The following BCAN variants were observed in gnomAD, a reference collection of about 807,000 sequenced individuals.
BCAN encodes the protein brevican core protein.
BCAN carries 51 observed loss-of-function variants against 92.4 expected under a neutral mutation model. The observed-to-expected ratio is 0.55, with a 90% CI of 0.44 to 0.70. The LOEUF is 0.70. Among genes scored for constraint, BCAN ranks in the 30% least tolerant of loss-of-function variants. The probability of loss-of-function intolerance (pLI) is 0.00; values close to 1 mark genes in which losing one functional copy is unlikely to be tolerated. For synonymous variants in BCAN, 501 were observed against 505.2 expected (o/e 0.99, Z 0.11); for missense variants, 1,140 against 1,212.1 (o/e 0.94, Z 0.88).
intron 9 of BCAN, 116 bp downstream of exon 9, chr1:156,656,505 T>G: frequency 1.3e-6 from 1 of 788,992 alleles, no homozygotes; most frequent in South Asian, 3.6e-5. Context: ...AGTCCCTGTT[T>G]TAGGCAAGTT....
intron 1 of BCAN, chr1:156,644,907 G>C (rs1160771624): frequency 6.6e-6 from 1 of 152,220 alleles, no homozygotes; most frequent in Non-Finnish European, 1.5e-5. Flanking sequence ...GGATCTCCAT[G>C]CTCTTCTAAG....
Position 156,656,311 on chromosome 1 carries a change from G to T in BCAN, c.1972G>T (p.Gly658Cys). Reference sequence around the variant, plus strand: ...CTGTGTCCCCAGCCCCTGCCACAATGGTGGGACATGCTTGGAGGAGGAGGA... The same window carrying T: ...CTGTGTCCCCAGCCCCTGCCACAATTGTGGGACATGCTTGGAGGAGGAGGA... ...GDCVPSPCHN[G>C]GTCLEEEEGV... The change falls in exon 9 of 14, where the codon GGT (glycine) becomes TGT (cysteine). Residue 658 changes from glycine (G) to cysteine (C), a missense_variant. Transcript: ENST00000329117. 6.9e-7 allele frequency: 1 copy of T among 1,450,420 alleles called. No individual in the cohort carries two copies. Among genetic ancestry groups the T allele is most frequent in the Non-Finnish European group, 9.0e-7 (1 of 1,109,016 alleles). 89.8% of individuals were successfully genotyped at this position (1,450,420 alleles called of 1,614,324 possible). A position where few individuals can be genotyped will look rare whatever the true frequency, so the allele number is the denominator to read the frequency against.
chr1:156,658,177 A>C lies in BCAN; in HGVS notation c.2343A>C (p.Gly781=). ...PGQPDSYFLS[G]ENCVVMVWHD... Reference sequence around the variant, plus strand: ...AGCCTGACAGCTACTTCCTGTCTGGAGAGAACTGCGTGGTCATGGTGTGGC... The same window carrying C: ...AGCCTGACAGCTACTTCCTGTCTGGCGAGAACTGCGTGGTCATGGTGTGGC... The change falls in exon 12 of 14, where the codon GGA becomes GGC. Residue 781 remains glycine, a synonymous_variant. Transcript: ENST00000329117. The surrounding 1 kb of genome is among the most constrained non-coding windows in gnomAD (Gnocchi z 4.4). The C allele has an allele frequency of 6.2e-7, 1 of 1,614,022 alleles. No homozygotes were observed. Among genetic ancestry groups the C allele is most frequent in the Non-Finnish European group, 8.5e-7 (1 of 1,179,976 alleles).
intron 8 of BCAN, among the ~76,000 whole-genome samples, chr1:156,654,257 G>A (rs1679265390): frequency 6.6e-6 from 1 of 152,130 alleles, no homozygotes; most frequent in African/African-American, 2.4e-5. Flanking sequence ...GAGAAGGCTG[G>A]GATTCCCTTA....
rs529077133 is a variant in BCAN, at chr1:156,647,163, G to A, written c.454G>A (p.Val152Ile). ...GIDDSSDAVE[V>I]KVKGVVFLYR... ...CGATGACAGCAGCGACGCTGTGGAG[G>A]TCAAGGTCAAAGGTGAGAGGGCAGG... The change falls in exon 3 of 14, where the codon GTC (valine) becomes ATC (isoleucine). Residue 152 changes from valine to isoleucine, a missense_variant. Physicochemically the swap from Val to Ile is conservative, Grantham distance 29. Around this residue, in one of 3 missense-constraint regions of BCAN, gnomAD observed 286 missense variants for 284.1 expected, o/e 1.01. Coordinates refer to ENST00000329117, the MANE Select transcript of BCAN (RefSeq NM_021948.5). This position sits in a 1 kb window ranked among gnomAD's most constrained non-coding sequence, Gnocchi z 4.8. 5 of 1,308,318 alleles carry A rather than the reference G, an allele frequency of 3.8e-6. No homozygotes were observed. The highest frequency in any genetic ancestry group is 5.1e-6 in the Non-Finnish European group (5 of 986,780). The allele number at this position is 1,308,318 out of a possible 1,614,324, so 81.0% of individuals were successfully genotyped here.
chr1:156,657,805 C>T (rs767616467), intron 11 of BCAN, 48 bp downstream of exon 11: 2 of 1,508,252 alleles, frequency 1.3e-6, no homozygotes, highest in African/African-American at 2.8e-5. Context: ...TTCCTCTAAG[C>T]ACTTCTGTTC....
At position 156,653,936 on chromosome 1, in the gene BCAN, T is replaced by G. The variant is rs1403775166; in HGVS notation, c.1942+1044T>G. 2.0e-5 allele frequency among the ~76,000 whole-genome samples: 3 copies of G among 152,066 alleles called. No homozygotes were observed. The South Asian group carries it at 6.2e-4, about 32-fold the overall frequency. On this transcript the variant is annotated intron_variant, in intron 8 of 13. Transcript: ENST00000329117. The stretch of plus-strand genomic sequence containing the variant: ...TGAGGGTCTCTCAGCATAGAGGCAG[T>G]TCCCTGGCATTCAGTTGCCCTCACC...
intron 1 of BCAN, chr1:156,643,635 C>CACAGAGAGAGAGAGAG (rs549293956): frequency 5.8e-5 from 6 of 103,856 alleles, no homozygotes; most frequent in East Asian, 5.7e-4. Flanking sequence ...CACACACACA[C>CACAGAGAGAGAGAGAG]AGAGAGAGAG....
At position 156,647,512 on chromosome 1, in the gene BCAN, C is replaced by T. The variant is rs371030202; in HGVS notation, c.471C>T (p.Val157=). Reference sequence around the variant, plus strand: ...GGGGTCCTCTCTGCCCCACAGGGGTCGTCTTTCTCTACCGAGAGGGCTCTG... The same window carrying T: ...GGGGTCCTCTCTGCCCCACAGGGGTTGTCTTTCTCTACCGAGAGGGCTCTG... The part of the protein sequence containing the change: ...SDAVEVKVKG[V]VFLYREGSAR... The change falls in exon 4 of 14, where the codon GTC becomes GTT. Residue 157 remains valine (V), a synonymous_variant. Coordinates refer to ENST00000329117, the MANE Select transcript of BCAN (RefSeq NM_021948.5). This position sits in a 1 kb window ranked among gnomAD's most constrained non-coding sequence, Gnocchi z 4.8. 5.1e-6 allele frequency: 8 copies of T among 1,559,680 alleles called. No individual in the cohort carries two copies. The highest frequency in any genetic ancestry group is 2.2e-4 in the Middle Eastern group (1 of 4,542).
chr1:156,658,525 A>G lies in BCAN; in HGVS notation c.2438-18A>G. 6.2e-7 allele frequency: 1 copy of G among 1,606,600 alleles called. No individual in the cohort carries two copies. The highest frequency in any genetic ancestry group is 1.3e-5 in the African/African-American group (1 of 74,888). ...ACCCACAGAGCCAGGCTCAGTTCCT[A>G]ACTGTCTTCCTTTGCAGTGTCCTGT... On this transcript the variant is annotated intron_variant, in intron 12 of 13. Coordinates refer to ENST00000329117, the MANE Select transcript of BCAN (RefSeq NM_021948.5). This position sits in a 1 kb window ranked among gnomAD's most constrained non-coding sequence, Gnocchi z 4.4.
Position 156,647,229 on chromosome 1 carries a change from T to C in BCAN, c.466+54T>C. ...GGGAGGGAGGGAGGGAAGGGAGGAC[T>C]CTTGCCTTCGGGGATCCCACAGTGT... is the stretch of plus-strand genomic sequence containing the variant. On this transcript the variant is annotated intron_variant, in intron 3 of 13. Transcript: ENST00000329117. This position sits in a 1 kb window ranked among gnomAD's most constrained non-coding sequence, Gnocchi z 4.8. 6.8e-7 allele frequency: 1 copy of C among 1,462,178 alleles called. No individual in the cohort carries two copies. The highest frequency in any genetic ancestry group is 1.4e-5 in the South Asian group (1 of 70,148). The allele number at this position is 1,462,178 out of a possible 1,614,324, so 90.6% of individuals were successfully genotyped here.
At chr1:156,649,704 C>T (rs567607234) in intron 6 of BCAN, among the ~76,000 whole-genome samples, 2 of 152,324 alleles carry the variant, frequency 1.3e-5, no homozygotes, top group African/African-American at 4.8e-5. Context: ...GCACCCAAAC[C>T]TGCCCATATC....
At chr1:156,653,058 G>A in intron 8 of BCAN, 166 bp downstream of exon 8, 1 of 1,486,668 alleles carries the variant, frequency 6.7e-7, no homozygotes. Flanking sequence ...TCCAATCTCG[G>A]ATATCCACCT....
At chr1:156,651,146 C>T (rs1248301021) in intron 6 of BCAN, among the ~76,000 whole-genome samples, 1 of 152,190 alleles carries the variant, frequency 6.6e-6, no homozygotes, top group Non-Finnish European at 1.5e-5. Context: ...TGTTCTTTAT[C>T]TTGTAAGATT....
intron 9 of BCAN, 174 bp from the exon 10 acceptor site, chr1:156,656,764 C>T: frequency 1.2e-6 from 1 of 860,576 alleles, no homozygotes; most frequent in Non-Finnish European, 1.7e-6. Flanking sequence ...TGCCCAAGAG[C>T]CCCTCCAGGC....
In BCAN at chr1:156,646,838, G is replaced by A. The variant is rs2102556485; in HGVS notation, c.129G>A (p.Ala43=). ...RAFRVRIAGD[A]PLQGVLGGAL... ...TTCGCGTGCGCATCGCGGGCGACGC[G>A]CCACTGCAGGGCGTGCTCGGCGGCG... The change falls in exon 3 of 14, where the codon GCG becomes GCA. Residue 43 remains alanine (A), a synonymous_variant. Transcript: ENST00000329117. 1.3e-6 allele frequency: 2 copies of A among 1,586,282 alleles called. No homozygotes were observed. Among genetic ancestry groups the A allele is most frequent in the Non-Finnish European group, 1.7e-6 (2 of 1,167,482 alleles).
chr1:156,653,287 C>A, intron 8 of BCAN: 1 of 1,116,616 alleles, frequency 9.0e-7, no homozygotes, highest in Non-Finnish European at 1.1e-6. Context: ...TGTGCCGTCC[C>A]CTTTAGCTGC....
At chr1:156,653,241 C>T (rs2102567747) in intron 8 of BCAN, 3 of 1,238,488 alleles carry the variant, frequency 2.4e-6, no homozygotes, top group South Asian at 6.1e-5. Context: ...GCCTTCAGGG[C>T]TCGGCCTATT....
chr1:156,651,496 A>G lies in BCAN; in HGVS notation c.1104A>G (p.Pro368=). 6.2e-7 allele frequency: 1 copy of G among 1,613,182 alleles called. No individual in the cohort carries two copies. Among genetic ancestry groups the G allele is most frequent in the Non-Finnish European group, 8.5e-7 (1 of 1,179,498 alleles). ...CTGCCATCCCTGAGGCCTCCAACCC[A>G]GCCTCCAACCCAGCCTCTGATGGAC... The part of the protein sequence containing the change: ...QPSAIPEASN[P]ASNPASDGLE... Residue 368 remains proline (P), a synonymous_variant, in exon 7 of 14, where the codon CCA becomes CCG. Coordinates refer to ENST00000329117, the MANE Select transcript of BCAN (RefSeq NM_021948.5).
Sources: allele counts gnomAD v4.1 joint callset (sites outside exome capture counted in the v4.1 genomes callset), GRCh38; gene constraint gnomAD v4.1.1; regional missense constraint gnomAD v4.1.1; non-coding constraint Gnocchi (gnomAD v3.1); transcripts MANE v1.5; gene names NCBI Gene and HGNC (gene_info 2026-07-23, HGNC 2026-07-21).